ZDHHC14: variants seen among roughly 807,000 people sequenced by gnomAD.
ZDHHC14 encodes the protein zDHHC palmitoyltransferase 14, also known as palmitoyltransferase ZDHHC14.
A neutral mutation model predicts 47.7 loss-of-function variants in ZDHHC14; 16 were observed. That is an observed-to-expected ratio of 0.34 (90% CI 0.23 to 0.51). The LOEUF (loss-of-function observed/expected upper bound fraction) is 0.51. Ranked by LOEUF, ZDHHC14 falls within the 20% of genes least tolerant of loss-of-function variation. ZDHHC14 has a pLI of 0.97. For synonymous variants in ZDHHC14, 293 were observed against 278.9 expected, an observed-to-expected ratio of 1.05 and a Z score of -0.50; for missense variants, 515 against 662.5, an observed-to-expected ratio of 0.78 and a Z score of 2.44.
chr6:157,555,976 C>G (rs905917), intron 2 of ZDHHC14, among the ~76,000 whole-genome samples: 37,913 of 151,994 alleles, frequency 0.25, 5,624 homozygotes, highest in African/African-American at 0.4. Flanking sequence ...CTCTGGAGGA[C>G]AGAGATGCAC....
chr6:157,484,003 G>A (rs1259321734), intron 1 of ZDHHC14, among the ~76,000 whole-genome samples: 1 of 151,998 alleles, frequency 6.6e-6, no homozygotes, highest in Non-Finnish European at 1.5e-5. Context: ...CAACATGGAT[G>A]GAGCTGGAGG....
At chr6:157,438,115 C>G (rs1022696946) in intron 1 of ZDHHC14, among the ~76,000 whole-genome samples, 2 of 151,312 alleles carry the variant, frequency 1.3e-5, no homozygotes, top group African/African-American at 2.4e-5. Flanking sequence ...TTAATTAATC[C>G]TATTGTGAAT....
At chr6:157,401,900 G>A (rs1365997989) in intron 1 of ZDHHC14, among the ~76,000 whole-genome samples, 5 of 151,072 alleles carry the variant, frequency 3.3e-5, no homozygotes, top group Non-Finnish European at 5.9e-5. Context: ...AGTGAGATGC[G>A]CACCTGCTGA....
intron 3 of ZDHHC14, among the ~76,000 whole-genome samples, chr6:157,622,948 A>T (rs1489042530): frequency 6.6e-6 from 1 of 152,132 alleles, no homozygotes; most frequent in Admixed American, 6.5e-5. Context: ...ACTAGAAATG[A>T]TTCCTCCCCT....
At chr6:157,429,154 G>A (rs1400543921) in intron 1 of ZDHHC14, among the ~76,000 whole-genome samples, 1 of 152,172 alleles carries the variant, frequency 6.6e-6, no homozygotes, top group Non-Finnish European at 1.5e-5. Flanking sequence ...CCATGGATCT[G>A]TGCAGTGATC....
At chr6:157,665,206 G>A (rs535520918) in intron 8 of ZDHHC14, among the ~76,000 whole-genome samples, 2 of 152,290 alleles carry the variant, frequency 1.3e-5, no homozygotes, top group East Asian at 3.9e-4. Context: ...CTGAATGCTG[G>A]TCCAGTATCA....
At chr6:157,389,517 A>G (rs1583603475) in intron 1 of ZDHHC14, among the ~76,000 whole-genome samples, 1 of 152,250 alleles carries the variant, frequency 6.6e-6, no homozygotes. Flanking sequence ...TCATCATGGT[A>G]TTTGTTTTCT....
intron 3 of ZDHHC14, among the ~76,000 whole-genome samples, chr6:157,611,469 A>G (rs1007436866): frequency 6.6e-6 from 1 of 152,188 alleles, no homozygotes; most frequent in African/African-American, 2.4e-5. Context: ...TGGAGAGAGC[A>G]TCCCTGGCCA....
At chr6:157,642,603 T>G (rs1041803357) in intron 5 of ZDHHC14, among the ~76,000 whole-genome samples, 3 of 152,120 alleles carry the variant, frequency 2.0e-5, no homozygotes, top group Non-Finnish European at 2.9e-5. Context: ...GAGACAGAGG[T>G]GCAGTGGTAG....
intron 1 of ZDHHC14, among the ~76,000 whole-genome samples, chr6:157,418,892 G>C (rs775972870): frequency 6.6e-6 from 1 of 152,158 alleles, no homozygotes; most frequent in Admixed American, 6.5e-5. Flanking sequence ...TACTAAGCTG[G>C]GTAGAAAGCA....
chr6:157,665,438 C>T (rs143364412), intron 8 of ZDHHC14, among the ~76,000 whole-genome samples: 135 of 152,296 alleles, frequency 8.9e-4, no homozygotes, highest in Middle Eastern at 3.4e-3. Flanking sequence ...GCATCAGACT[C>T]AGCATGTTCA....
intron 3 of ZDHHC14, among the ~76,000 whole-genome samples, chr6:157,595,913 G>A (rs1046645963): frequency 6.6e-6 from 1 of 152,248 alleles, no homozygotes; most frequent in Non-Finnish European, 1.5e-5. Flanking sequence ...GAAAGAGAAA[G>A]GGAAAGGAGA....
intron 1 of ZDHHC14, among the ~76,000 whole-genome samples, chr6:157,406,441 A>T (rs1033908813): frequency 6.6e-6 from 1 of 152,216 alleles, no homozygotes; most frequent in Non-Finnish European, 1.5e-5. Flanking sequence ...TTGCAGAAAA[A>T]TATTATCTCA....
intron 1 of ZDHHC14, among the ~76,000 whole-genome samples, chr6:157,396,481 A>G (rs1777524423): frequency 6.6e-6 from 1 of 152,184 alleles, no homozygotes; most frequent in African/African-American, 2.4e-5. Flanking sequence ...GCAGCTATAT[A>G]TGGTCTATTT....
intron 5 of ZDHHC14, among the ~76,000 whole-genome samples, chr6:157,643,844 A>G (rs1448314026): frequency 6.6e-6 from 1 of 151,532 alleles, no homozygotes; most frequent in Non-Finnish European, 1.5e-5. Flanking sequence ...TGGTTCATAC[A>G]TAGGAATGTT....
rs538288732 is a variant in ZDHHC14 at position 157,419,106 on chromosome 6, T to C, written c.245+36840T>C. Among the ~76,000 whole-genome samples, 6 of 152,358 alleles carry C rather than the reference T, an allele frequency of 3.9e-5. No individual in the cohort carries two copies. In the South Asian group the frequency reaches 1.0e-3, roughly 26 times the overall value. ...TCAACCATTTTTCTCCTCTAGGGAC[T>C]GTGGGATCCCCATGTCGGCGGAAAT... is the stretch of plus-strand genomic sequence containing the variant. On this transcript the variant is annotated intron_variant, in intron 1 of 8. Coordinates refer to ENST00000359775, the MANE Select transcript of ZDHHC14 (RefSeq NM_024630.3).
chr6:157,621,300 T>C (rs552400712), intron 3 of ZDHHC14, among the ~76,000 whole-genome samples: 37 of 152,226 alleles, frequency 2.4e-4, no homozygotes, highest in African/African-American at 8.9e-4. Context: ...AAACAACAAA[T>C]GGAATATACC....
chr6:157,602,126 C>T (rs924184864), intron 3 of ZDHHC14, among the ~76,000 whole-genome samples: 9 of 150,188 alleles, frequency 6.0e-5, no homozygotes, highest in East Asian at 4.0e-4. Context: ...TGCTTGAACC[C>T]GGGAGGCTCG....
chr6:157,438,781 G>T (rs1333787155), intron 1 of ZDHHC14, among the ~76,000 whole-genome samples: 2 of 152,226 alleles, frequency 1.3e-5, no homozygotes, highest in African/African-American at 4.8e-5. Flanking sequence ...TCGTGTTGGT[G>T]TCAGGATGTT....
Sources: gnomAD v4.1 joint callset for allele counts (sites outside exome capture counted in the v4.1 genomes callset) on GRCh38, gnomAD v4.1.1 for gene constraint, MANE v1.5 for transcripts, NCBI Gene and HGNC (gene_info 2026-07-23, HGNC 2026-07-21) for gene names.